The following ASTN2 variants were observed in gnomAD, a reference collection of about 807,000 sequenced individuals.
The protein encoded by ASTN2 is astrotactin 2.
In ASTN2, 54 loss-of-function variants were observed where a neutral mutation model predicts 139.8. That is an observed-to-expected ratio of 0.39 (90% CI 0.31 to 0.48). ASTN2 has a LOEUF of 0.48. Ranked by LOEUF, ASTN2 falls within the 20% of genes least tolerant of loss-of-function variation. The pLI is 0.95. For synonymous variants in ASTN2, 756 were observed against 719.5 expected, an observed-to-expected ratio of 1.05 and a Z score of -0.81; for missense variants, 1,565 against 1,725.1, an observed-to-expected ratio of 0.91 and a Z score of 1.64.
chr9:116,967,560 C>A (rs1836048698), intron 10 of ASTN2, among the ~76,000 whole-genome samples: 1 of 152,210 alleles, frequency 6.6e-6, no homozygotes, highest in Non-Finnish European at 1.5e-5. Context: ...GGAAAGCACA[C>A]TTCTAGGTTG....
In ASTN2 at chr9:117,255,509, T is replaced by C. The variant is rs145994692; in HGVS notation, c.630+35817A>G. ...GAATGTTAGAGCTGTGATGTAAACT[T>C]GGGTTGATTAAACTGCAGGTTCTTT... On this transcript the variant is annotated intron_variant, in intron 2 of 22. Transcript: ENST00000313400. Among the ~76,000 whole-genome samples the C allele has an allele frequency of 4.2e-3, 647 of 152,298 alleles. 5 individuals are homozygous for C. Among genetic ancestry groups the C allele is most frequent in the African/African-American group, 0.015 (605 of 41,570 alleles).
chr9:117,063,240 G>A (rs66899581), intron 5 of ASTN2, among the ~76,000 whole-genome samples: 23,120 of 152,164 alleles, frequency 0.15, 2,041 homozygotes, highest in Admixed American at 0.24. Flanking sequence ...TTTCTTCAGG[G>A]TAAAGAACCA....
chr9:116,559,585 T>C (rs888217504), intron 19 of ASTN2, among the ~76,000 whole-genome samples: 3 of 152,172 alleles, frequency 2.0e-5, no homozygotes, highest in Non-Finnish European at 2.9e-5. Flanking sequence ...AACGAGAATG[T>C]TACAAAATAT....
chr9:116,781,041 T>A (rs1830206766), intron 13 of ASTN2, among the ~76,000 whole-genome samples: 1 of 152,146 alleles, frequency 6.6e-6, no homozygotes, highest in African/African-American at 2.4e-5. Context: ...GGTTTCTCCA[T>A]GTTGGTCAGG....
intron 4 of ASTN2, among the ~76,000 whole-genome samples, chr9:117,140,500 T>C (rs1340989486): frequency 6.6e-6 from 1 of 151,952 alleles, no homozygotes; most frequent in East Asian, 1.9e-4. Flanking sequence ...GTTGATTTCC[T>C]TCATATACGA....
chr9:117,035,426 A>T, intron 6 of ASTN2, among the ~76,000 whole-genome samples: 1 of 152,162 alleles, frequency 6.6e-6, no homozygotes, highest in East Asian at 1.9e-4. Context: ...AACGGATGAC[A>T]TGGGTTCAAG....
intron 6 of ASTN2, among the ~76,000 whole-genome samples, chr9:117,033,649 G>T (rs1404853301): frequency 6.6e-6 from 1 of 152,014 alleles, no homozygotes; most frequent in Non-Finnish European, 1.5e-5. Flanking sequence ...GAACTAGCCT[G>T]CTCTCTTCAA....
At chr9:116,673,794 T>C (rs1003977464) in intron 16 of ASTN2, among the ~76,000 whole-genome samples, 10 of 152,168 alleles carry the variant, frequency 6.6e-5, no homozygotes, top group African/African-American at 2.2e-4. Flanking sequence ...GCTCCAAAAC[T>C]GTGAGAGAAT....
chr9:117,216,657 T>C (rs1832330897), intron 2 of ASTN2, among the ~76,000 whole-genome samples: 1 of 152,130 alleles, frequency 6.6e-6, no homozygotes, highest in Non-Finnish European at 1.5e-5. Flanking sequence ...ACAGAACATA[T>C]GATAGTGATT....
At chr9:117,181,299 C>T (rs58552271) in intron 3 of ASTN2, 106 of 425,194 alleles carry the variant, frequency 2.5e-4, no homozygotes, top group African/African-American at 2.0e-3. Context: ...CCAGAGATGT[C>T]AAATAACTTG....
intron 19 of ASTN2, among the ~76,000 whole-genome samples, chr9:116,527,830 C>A (rs963471442): frequency 3.9e-5 from 6 of 152,156 alleles, no homozygotes; most frequent in Admixed American, 3.9e-4. Flanking sequence ...CTTCCCACCC[C>A]CCTCACTCTC....
Position 117,103,761 on chromosome 9 carries a change from G to A in ASTN2, c.1169-7610C>T, listed in dbSNP as rs191530717. On this transcript the variant is annotated intron_variant, in intron 4 of 22. Coordinates refer to ENST00000313400, the MANE Select transcript of ASTN2 (RefSeq NM_001365068.1). ...AACTGTGCCAGATAAAGAAATATGTGGTTCAGGAATGGAAAAACCCATCTG... is the reference window on the plus strand; with the variant it reads ...AACTGTGCCAGATAAAGAAATATGTAGTTCAGGAATGGAAAAACCCATCTG... 1.6e-4 allele frequency among the ~76,000 whole-genome samples: 25 copies of A among 152,190 alleles called. No homozygotes were observed. In the East Asian group the frequency reaches 4.1e-3, roughly 25 times the overall value.
intron 5 of ASTN2, among the ~76,000 whole-genome samples, chr9:117,086,835 G>A (rs1481192159): frequency 6.6e-6 from 1 of 152,170 alleles, no homozygotes; most frequent in Admixed American, 6.5e-5. Flanking sequence ...CTCTAGTCAT[G>A]TCTTCAGTGG....
At chr9:116,710,793 AG>A (rs1828135311) in intron 16 of ASTN2, among the ~76,000 whole-genome samples, 1 of 151,616 alleles carries the variant, frequency 6.6e-6, no homozygotes, top group South Asian at 2.1e-4. Context: ...GTAAGTTCTG[AG>A]CAACCACATG....
chr9:116,576,401 C>T (rs1322195982), intron 19 of ASTN2, among the ~76,000 whole-genome samples: 2 of 152,164 alleles, frequency 1.3e-5, no homozygotes, highest in African/African-American at 4.8e-5. Context: ...GGAATTCAAA[C>T]TCAGGATGTT....
intron 16 of ASTN2, among the ~76,000 whole-genome samples, chr9:116,689,716 T>TG (rs1022040961): frequency 2.6e-5 from 4 of 152,074 alleles, no homozygotes; most frequent in Admixed American, 6.5e-5. Flanking sequence ...ACTCTAAAGT[T>TG]GGGGGGTAAA....
chr9:117,394,900 T>C (rs927504287), intron 1 of ASTN2, among the ~76,000 whole-genome samples: 2 of 152,044 alleles, frequency 1.3e-5, no homozygotes, highest in African/African-American at 4.8e-5. Flanking sequence ...CCTTTGGGAA[T>C]GATTCTTCAA....
chr9:116,536,019 A>C (rs1851609062), intron 19 of ASTN2, among the ~76,000 whole-genome samples: 1 of 152,082 alleles, frequency 6.6e-6, no homozygotes, highest in Non-Finnish European at 1.5e-5. Context: ...TGGTCTGTTC[A>C]CATAGTCCCA....
chr9:117,293,744 G>A (rs1029764513), intron 1 of ASTN2, among the ~76,000 whole-genome samples: 1 of 152,192 alleles, frequency 6.6e-6, no homozygotes, highest in East Asian at 1.9e-4. Context: ...CTGGGCCAAG[G>A]CAAGGTGAAG....
Sources: gnomAD v4.1 joint callset for allele counts (sites outside exome capture counted in the v4.1 genomes callset) on GRCh38, gnomAD v4.1.1 for gene constraint, MANE v1.5 for transcripts, NCBI Gene and HGNC (gene_info 2026-07-23, HGNC 2026-07-21) for gene names.